The following OBI1 variants were observed in gnomAD, a reference collection of about 807,000 sequenced individuals.
The protein encoded by OBI1 is ring finger protein 219.
In OBI1, 59 loss-of-function variants were observed where a neutral mutation model predicts 62.4. The ratio of observed to expected loss-of-function variants is 0.95; its 90% CI spans 0.77 to 1.17. The LOEUF is 1.17. OBI1 is among the 50% of genes most tolerant of loss of function. The pLI, the probability that OBI1 is intolerant of heterozygous loss-of-function variation, is 0.00. For synonymous variants in OBI1, 302 were observed against 292.8 expected (o/e 1.03, Z -0.32); for missense variants, 875 against 830.9 (o/e 1.05, Z -0.65).
At chr13:78,650,083 AGTAAGATTAATTAAC>A (rs1876503065) in intron 1 of OBI1, among the ~76,000 whole-genome samples, 1 of 152,214 alleles carries the variant, frequency 6.6e-6, no homozygotes, top group Admixed American at 6.5e-5. Context: ...TCTAATGCAA[AGTAAGATTAATTAAC>A]GTAGGTGTGT....
At chr13:78,620,552 G>C (rs1384833741) in intron 5 of OBI1, 7 of 453,614 alleles carry the variant, frequency 1.5e-5, no homozygotes, top group Admixed American at 9.5e-5. Context: ...TATTCTGCCA[G>C]AATCTAACAG....
chr13:78,646,812 A>G (rs1048388534), intron 1 of OBI1, among the ~76,000 whole-genome samples: 5 of 152,206 alleles, frequency 3.3e-5, no homozygotes, highest in African/African-American at 1.2e-4. Context: ...TGTAGGGAAA[A>G]GAAAGAGAGA....
At position 78,656,736 on chromosome 13, in the gene OBI1, G is replaced by T. The variant is rs866908430; in HGVS notation, c.72+2313C>A. ...TTCTGCTTCCATGGTACCTGGGGGG[G>T]GGGGGGGAGGAGCCTGTTTAAAAAT... On this transcript the variant is annotated intron_variant, in intron 1 of 5. Transcript: ENST00000282003. 5.3e-3 allele frequency among the ~76,000 whole-genome samples: 660 copies of T among 125,396 alleles called. 58 individuals carry two copies. Among genetic ancestry groups the T allele is most frequent in the African/African-American group, 0.018 (586 of 32,930 alleles). The allele number at this position is 125,396 out of a possible 152,430, so 82.3% of individuals were successfully genotyped here.
At position 78,616,992 on chromosome 13, in the gene OBI1, G is replaced by C; in HGVS notation, c.769C>G (p.Leu257Val). ...IEELESQVAQ[L>V]KNSSEEKEAM... ...TCTTTCTCTTCACTTGAATTTTTTA[G>C]CTGTGCAACTTGAGATTCTAGTTCC... is the stretch of plus-strand genomic sequence containing the variant. Residue 257 changes from leucine to valine, a missense_variant, in exon 6 of 6, where the codon CTA (leucine) becomes GTA (valine). Physicochemically the swap from Leu to Val is conservative, Grantham distance 32 (BLOSUM62 1). Transcript: ENST00000282003. 2 of 1,614,116 alleles carry C rather than the reference G, an allele frequency of 1.2e-6. No individual in the cohort carries two copies. Among genetic ancestry groups the C allele is most frequent in the South Asian group, 1.1e-5 (1 of 91,084 alleles).
intron 1 of OBI1, among the ~76,000 whole-genome samples, chr13:78,650,712 T>A (rs893642095): frequency 3.3e-5 from 5 of 150,132 alleles, no homozygotes; most frequent in Admixed American, 1.3e-4. Context: ...ATAATGGATG[T>A]CAGCACAGAC....
At chr13:78,620,523 A>G (rs1875474086) in intron 5 of OBI1, 1 of 434,208 alleles carries the variant, frequency 2.3e-6, no homozygotes, top group Non-Finnish European at 4.6e-6. Context: ...TTTGGGAGCT[A>G]CAATTGATAT....
intron 5 of OBI1, among the ~76,000 whole-genome samples, chr13:78,627,329 AG>A (rs1435509582): frequency 1.4e-4 from 20 of 147,832 alleles, no homozygotes; most frequent in African/African-American, 5.0e-4. Flanking sequence ...AAAAAAAAAA[AG>A]GATACATGTG....
At chr13:78,629,743 G>C (rs1875788394) in intron 5 of OBI1, among the ~76,000 whole-genome samples, 1 of 152,064 alleles carries the variant, frequency 6.6e-6, no homozygotes, top group South Asian at 2.1e-4. Context: ...TTACCATGTG[G>C]GGATGTGACA....
At position 78,615,915 on chromosome 13, in the gene OBI1, A is replaced by G; in HGVS notation, c.1846T>C (p.Ser616Pro). ...EWKPTSFFLL[S>P]PSDQEMNEDF... ...TCATTCATTTCTTGGTCAGATGGAG[A>G]GAGGAGAAAAAAAGAAGTGGGTTTC... The change falls in exon 6 of 6, where the codon TCT becomes CCT. Residue 616 changes from serine (S) to proline (P), a missense_variant. Transcript: ENST00000282003. 1.2e-6 allele frequency: 2 copies of G among 1,613,942 alleles called. No individual in the cohort carries two copies. Among genetic ancestry groups the G allele is most frequent in the African/African-American group, 2.7e-5 (2 of 75,000 alleles).
rs371472431 is a variant in OBI1, at chr13:78,644,985, C to A, written c.85G>T (p.Val29Phe). 5.6e-6 allele frequency: 9 copies of A among 1,612,474 alleles called. No homozygotes were observed. In the South Asian group the frequency reaches 7.7e-5, roughly 14 times the overall value. ...AATACATGGTTGTTGATGCATATGA[C>A]AGGCTGACGTACCTTTGAAAAAAGA... ...HICLGKVRQP[V>F]ICINNHVFCS... Residue 29 changes from valine (V) to phenylalanine (F), a missense_variant, in exon 2 of 6, where the codon GTC becomes TTC. Val to Phe is a conservative substitution (Grantham distance 50, BLOSUM62 -1). Coordinates refer to ENST00000282003, the MANE Select transcript of OBI1 (RefSeq NM_024546.4).
chr13:78,615,918 G>C lies in OBI1; in HGVS notation c.1843C>G (p.Leu615Val), dbSNP rs1324453748. 1 of 1,612,992 alleles carries C rather than the reference G, an allele frequency of 6.2e-7. No individual in the cohort carries two copies. Among genetic ancestry groups the C allele is most frequent in the East Asian group, 2.2e-5 (1 of 44,862 alleles). ...TTCATTTCTTGGTCAGATGGAGAGA[G>C]GAGAAAAAAAGAAGTGGGTTTCCAT... Reference protein sequence around the residue: ...SEWKPTSFFLLSPSDQEMNED... With the variant: ...SEWKPTSFFLVSPSDQEMNED... The change falls in exon 6 of 6, where the codon CTC becomes GTC. Residue 615 changes from leucine (L) to valine (V), a missense_variant. By Grantham distance (32) the Leu-to-Val change is conservative. Transcript: ENST00000282003.
In OBI1 at chr13:78,636,082, A is replaced by T. The variant is rs376038212; in HGVS notation, c.550-884T>A. Among the ~76,000 whole-genome samples, 182 of 152,224 alleles carry T rather than the reference A, an allele frequency of 1.2e-3. 2 individuals carry two copies. The South Asian group carries it at 0.033, about 28-fold the overall frequency. On this transcript the variant is annotated intron_variant, in intron 4 of 5. Coordinates refer to ENST00000282003, the MANE Select transcript of OBI1 (RefSeq NM_024546.4). The stretch of plus-strand genomic sequence containing the variant: ...AGGCCTGGATCAGTATTTTCTAATA[A>T]ATTCTATGAATTGTTCTTCGATTAA...
chr13:78,654,755 G>A (rs959064421), intron 1 of OBI1, among the ~76,000 whole-genome samples: 1 of 152,270 alleles, frequency 6.6e-6, no homozygotes, highest in African/African-American at 2.4e-5. Context: ...TTCATTTCTG[G>A]TTATTTCAGC....
rs1876230828 is a variant in OBI1, at chr13:78,642,005, G to C, written c.300+117C>G. On this transcript the variant is annotated intron_variant, in intron 3 of 5. Transcript: ENST00000282003. ...ATTTATCAAACAATTTCTTTTTATAGGCTTTTAAAATAAAATTTCATTGGA... is the reference window on the plus strand; with the variant it reads ...ATTTATCAAACAATTTCTTTTTATACGCTTTTAAAATAAAATTTCATTGGA... 4 of 457,950 alleles carry C rather than the reference G, an allele frequency of 8.7e-6. No individual in the cohort carries two copies. In the East Asian group the frequency reaches 1.0e-4, roughly 12 times the overall value. 28.4% of individuals were successfully genotyped at this position (457,950 alleles called of 1,614,324 possible). A position where few individuals can be genotyped will look rare whatever the true frequency, so the allele number is the denominator to read the frequency against.
Position 78,615,947 on chromosome 13 carries a change from C to T in OBI1, c.1814G>A (p.Ser605Asn), listed in dbSNP as rs558104809. The T allele has an allele frequency of 2.6e-4, 415 of 1,613,638 alleles. 7 individuals are homozygous for T. The South Asian group carries it at 4.2e-3, about 16-fold the overall frequency. ...SLTNDQLENG[S>N]EWKPTSFFLL... ...AAAAAAAGAAGTGGGTTTCCATTCA[C>T]TTCCATTTTCTAACTGATCATTAGT... Residue 605 changes from serine to asparagine, a missense_variant, in exon 6 of 6, where the codon AGT (serine) becomes AAT (asparagine). Transcript: ENST00000282003.
chr13:78,616,947 G>C lies in OBI1; in HGVS notation c.814C>G (p.Gln272Glu). The C allele has an allele frequency of 6.2e-7, 1 of 1,614,082 alleles. No individual in the cohort carries two copies. Among genetic ancestry groups the C allele is most frequent in the Non-Finnish European group, 8.5e-7 (1 of 1,180,016 alleles). ...TTGCCATCTGCAGAAAGTGCTGTCT[G>C]GCAAATGGAATTCATAGCTTCTTTC... is the stretch of plus-strand genomic sequence containing the variant. ...EEKEAMNSIC[Q>E]TALSADGKGS... Residue 272 changes from glutamine (Q) to glutamate (E), a missense_variant, in exon 6 of 6, where the codon CAG becomes GAG. Gln to Glu is a conservative substitution (Grantham distance 29, BLOSUM62 2). Coordinates refer to ENST00000282003, the MANE Select transcript of OBI1 (RefSeq NM_024546.4).
At chr13:78,658,699 G>A (rs530811941) in intron 1 of OBI1, among the ~76,000 whole-genome samples, 33 of 152,324 alleles carry the variant, frequency 2.2e-4, no homozygotes, top group Admixed American at 1.8e-3. Context: ...GCCACGCGAG[G>A]CTGCAGAGGG....
At chr13:78,623,588 A>AC (rs1201137147) in intron 5 of OBI1, among the ~76,000 whole-genome samples, 1 of 152,244 alleles carries the variant, frequency 6.6e-6, no homozygotes, top group Non-Finnish European at 1.5e-5. Context: ...GAACCCATAC[A>AC]CCATGTTTGA....
chr13:78,627,618 A>G (rs1445036259), intron 5 of OBI1, among the ~76,000 whole-genome samples: 1 of 152,152 alleles, frequency 6.6e-6, no homozygotes, highest in East Asian at 1.9e-4. Flanking sequence ...ATTCCTTTTT[A>G]TGGCTGCATA....
Sources: allele counts gnomAD v4.1 joint callset (sites outside exome capture counted in the v4.1 genomes callset), GRCh38; gene constraint gnomAD v4.1.1; transcripts MANE v1.5; gene names NCBI Gene and HGNC (gene_info 2026-07-23, HGNC 2026-07-21).